The following SOX5 variants were observed in gnomAD, a reference collection of about 807,000 sequenced individuals.
SOX5 encodes SRY-box transcription factor 5.
SOX5 carries 9 observed loss-of-function variants against 92.0 expected under a neutral mutation model. The ratio of observed to expected loss-of-function variants is 0.10; its 90% CI spans 0.06 to 0.17. The LOEUF (loss-of-function observed/expected upper bound fraction) is 0.17. SOX5 is among the 10% of genes least tolerant of loss of function. SOX5 has a pLI of 1.00. For missense variants in SOX5, 642 were observed against 944.5 expected (o/e 0.68, Z 4.20); for synonymous variants, 344 against 336.3 (o/e 1.02, Z -0.25).
chr12:24,249,574 T>C (rs556594635), intron 3 of SOX5, among the ~76,000 whole-genome samples: 2 of 152,334 alleles, frequency 1.3e-5, no homozygotes, highest in Non-Finnish European at 2.9e-5. Flanking sequence ...ACAACTTTAC[T>C]CATCATTACA....
chr12:23,585,795 C>T (rs1258356101), intron 9 of SOX5, among the ~76,000 whole-genome samples: 1 of 152,068 alleles, frequency 6.6e-6, no homozygotes, highest in Non-Finnish European at 1.5e-5. Flanking sequence ...AGGTAAATGC[C>T]GGCAGCTATG....
intron 4 of SOX5, among the ~76,000 whole-genome samples, chr12:24,194,784 T>C (rs1956855646): frequency 6.6e-6 from 1 of 152,124 alleles, no homozygotes; most frequent in Non-Finnish European, 1.5e-5. Context: ...TCAGCATAAA[T>C]CATTTAATAT....
At chr12:23,561,671 A>G (rs1342198063) in intron 11 of SOX5, among the ~76,000 whole-genome samples, 1 of 152,108 alleles carries the variant, frequency 6.6e-6, no homozygotes, top group African/African-American at 2.4e-5. Flanking sequence ...ATCCAACCAC[A>G]AGGCCTGCTT....
intron 3 of SOX5, among the ~76,000 whole-genome samples, chr12:24,214,931 C>T (rs528997530): frequency 6.6e-6 from 1 of 152,104 alleles, no homozygotes; most frequent in East Asian, 1.9e-4. Context: ...TAGGATTTAT[C>T]CCAGGAATGC....
chr12:24,214,356 G>A (rs1824147377), intron 3 of SOX5, among the ~76,000 whole-genome samples: 2 of 152,056 alleles, frequency 1.3e-5, no homozygotes, highest in Non-Finnish European at 2.9e-5. Context: ...ACCTCTTGGA[G>A]GCTTATTTTC....
chr12:24,202,793 A>T (rs1957650642), intron 4 of SOX5, among the ~76,000 whole-genome samples: 1 of 152,226 alleles, frequency 6.6e-6, no homozygotes, highest in Admixed American at 6.5e-5. Context: ...TCAGTGAATC[A>T]TATGAGAGGC....
At chr12:24,409,029 T>C (rs181331287) in intron 1 of SOX5, among the ~76,000 whole-genome samples, 3 of 152,322 alleles carry the variant, frequency 2.0e-5, no homozygotes, top group Non-Finnish European at 4.4e-5. Context: ...TGCACACAAA[T>C]GTTTGTTGCA....
chr12:24,431,256 C>A (rs895083015), intron 1 of SOX5, among the ~76,000 whole-genome samples: 1 of 152,110 alleles, frequency 6.6e-6, no homozygotes. Flanking sequence ...GACTATGATG[C>A]ATGGATGCTT....
At chr12:24,287,363 C>G (rs548460450) in intron 2 of SOX5, among the ~76,000 whole-genome samples, 1 of 152,178 alleles carries the variant, frequency 6.6e-6, no homozygotes, top group East Asian at 1.9e-4. Context: ...TCTTTAAAAT[C>G]TCTACTCAAT....
At chr12:24,533,038 T>C (rs1406189175) in intron 1 of SOX5, among the ~76,000 whole-genome samples, 1 of 152,214 alleles carries the variant, frequency 6.6e-6, no homozygotes, top group Non-Finnish European at 1.5e-5. Flanking sequence ...GTCTATATCC[T>C]CAATGAATTT....
chr12:23,987,495 C>A (rs1486242249), intron 4 of SOX5, among the ~76,000 whole-genome samples: 1 of 152,050 alleles, frequency 6.6e-6, no homozygotes, highest in Non-Finnish European at 1.5e-5. Context: ...GAGGCAACCA[C>A]AACTCCATCA....
At chr12:24,140,979 T>A (rs1593536988) in intron 4 of SOX5, among the ~76,000 whole-genome samples, 1 of 152,168 alleles carries the variant, frequency 6.6e-6, no homozygotes, top group South Asian at 2.1e-4. Flanking sequence ...AGACAGTTTT[T>A]AAAAAATAAC....
At chr12:23,688,023 C>G (rs2087953592) in intron 6 of SOX5, among the ~76,000 whole-genome samples, 1 of 152,010 alleles carries the variant, frequency 6.6e-6, no homozygotes, top group African/African-American at 2.4e-5. Context: ...TCCTGATAAT[C>G]CTTTAAGAAA....
chr12:23,593,916 C>T (rs918569551), intron 9 of SOX5, among the ~76,000 whole-genome samples: 5 of 152,054 alleles, frequency 3.3e-5, no homozygotes, highest in African/African-American at 4.8e-5. Flanking sequence ...GCAAAAACCA[C>T]ACTAATCAGA....
At chr12:23,636,836 T>G (rs1184711469) in intron 8 of SOX5, among the ~76,000 whole-genome samples, 1 of 152,198 alleles carries the variant, frequency 6.6e-6, no homozygotes, top group Non-Finnish European at 1.5e-5. Context: ...AAGTTTAACA[T>G]AAAGTCTCCT....
chr12:24,410,359 G>T (rs1239537796), intron 1 of SOX5, among the ~76,000 whole-genome samples: 4 of 152,014 alleles, frequency 2.6e-5, no homozygotes, highest in African/African-American at 9.7e-5. Flanking sequence ...TCCAGCTTTT[G>T]GTATAAAATC....
chr12:24,340,978 C>T (rs1001595542), intron 2 of SOX5, among the ~76,000 whole-genome samples: 4 of 152,176 alleles, frequency 2.6e-5, no homozygotes, highest in Non-Finnish European at 5.9e-5. Flanking sequence ...GCGTCTAGCT[C>T]TAACAGCCAT....
chr12:24,044,857 T>G (rs1956846376), intron 4 of SOX5, among the ~76,000 whole-genome samples: 1 of 152,200 alleles, frequency 6.6e-6, no homozygotes, highest in South Asian at 2.1e-4. Flanking sequence ...ATGAAGGAAT[T>G]AACTCTCAGT....
At chr12:24,275,074 G>A (rs1025921377) in intron 3 of SOX5, among the ~76,000 whole-genome samples, 1 of 152,040 alleles carries the variant, frequency 6.6e-6, no homozygotes, top group Non-Finnish European at 1.5e-5. Flanking sequence ...ATGGGTGCTG[G>A]GCTGTTTCAA....
Sources: gnomAD v4.1 joint callset for allele counts (sites outside exome capture counted in the v4.1 genomes callset) on GRCh38, gnomAD v4.1.1 for gene constraint, MANE v1.5 for transcripts, NCBI Gene and HGNC (gene_info 2026-07-23, HGNC 2026-07-21) for gene names.